Variants in TNRC6B observed in about 807,000 individuals in gnomAD.
TNRC6B encodes the protein trinucleotide repeat-containing gene 6B protein.
TNRC6B carries 52 observed loss-of-function variants against 203.6 expected under a neutral mutation model. The observed-to-expected ratio is 0.26, with a 90% CI of 0.20 to 0.32. The LOEUF is 0.32. TNRC6B is among the 10% of genes least tolerant of loss of function. The pLI, the probability that TNRC6B is intolerant of heterozygous loss-of-function variation, is 1.00. For missense variants in TNRC6B, 1,923 were observed against 2,286.2 expected (o/e 0.84, Z 3.24); for synonymous variants, 838 against 845.7 (o/e 0.99, Z 0.16).
chr22:40,112,024 C>G (rs1468258357), intron 1 of TNRC6B, among the ~76,000 whole-genome samples: 4 of 152,144 alleles, frequency 2.6e-5, no homozygotes, highest in African/African-American at 9.7e-5. Context: ...TTGCTTGAAC[C>G]CAGCGGCAGA....
intron 1 of TNRC6B, among the ~76,000 whole-genome samples, chr22:40,185,420 T>C (rs1416575094): frequency 6.6e-6 from 1 of 152,202 alleles, no homozygotes; most frequent in Non-Finnish European, 1.5e-5. Context: ...GGCCATATAC[T>C]CTCATTACCA....
At chr22:40,129,943 C>G (rs2068526666) in intron 3 of TNRC6B, among the ~76,000 whole-genome samples, 2 of 152,078 alleles carry the variant, frequency 1.3e-5, no homozygotes, top group Admixed American at 6.6e-5. Flanking sequence ...TACTGGTGTT[C>G]AAGGGTGCCA....
At chr22:40,049,098 C>T (rs958002097) in intron 1 of TNRC6B, among the ~76,000 whole-genome samples, 2 of 152,050 alleles carry the variant, frequency 1.3e-5, no homozygotes, top group Admixed American at 6.5e-5. Flanking sequence ...TTATACACTG[C>T]TGGCTGGGCG....
At chr22:40,192,765 A>G (rs887313499) in intron 1 of TNRC6B, among the ~76,000 whole-genome samples, 1 of 152,186 alleles carries the variant, frequency 6.6e-6, no homozygotes, top group Admixed American at 6.5e-5. Flanking sequence ...GTCAGTGGGT[A>G]GAGCAGGGGT....
intron 9 of TNRC6B, among the ~76,000 whole-genome samples, chr22:40,278,608 G>A (rs1370337234): frequency 2.6e-5 from 4 of 151,714 alleles, no homozygotes; most frequent in African/African-American, 4.8e-5. Context: ...TAACTGTGGA[G>A]CGTCCACCTA....
chr22:40,131,035 G>T (rs1331885244), intron 3 of TNRC6B, among the ~76,000 whole-genome samples: 1 of 151,612 alleles, frequency 6.6e-6, no homozygotes, highest in Non-Finnish European at 1.5e-5. Context: ...CCGAGTAGCT[G>T]GGACTTGACA....
chr22:40,109,844 T>C (rs1020821484), intron 1 of TNRC6B, among the ~76,000 whole-genome samples: 1 of 152,168 alleles, frequency 6.6e-6, no homozygotes, highest in African/African-American at 2.4e-5. Flanking sequence ...GCGCTTAGCT[T>C]TTTTCTCCTT....
At chr22:40,096,829 G>T (rs559440825) in intron 1 of TNRC6B, among the ~76,000 whole-genome samples, 1 of 152,196 alleles carries the variant, frequency 6.6e-6, no homozygotes, top group Non-Finnish European at 1.5e-5. Flanking sequence ...CTCCATGAAA[G>T]CAGAGAAGAA....
chr22:40,153,892 TATA>T (rs779221390), intron 3 of TNRC6B, among the ~76,000 whole-genome samples: 21 of 150,984 alleles, frequency 1.4e-4, no homozygotes, highest in Admixed American at 2.0e-4. Flanking sequence ...TAATTTAAAT[TATA>T]ATAAATCATT....
At chr22:40,262,204 A>T (rs563852341) in intron 4 of TNRC6B, 31 bp downstream of exon 4, 1 of 1,347,642 alleles carries the variant, frequency 7.4e-7, no homozygotes, top group African/African-American at 1.4e-5. Flanking sequence ...AATGCATGGC[A>T]GCTTGACAGA....
At chr22:40,048,257 T>C (rs1046676527) in intron 1 of TNRC6B, among the ~76,000 whole-genome samples, 1 of 152,166 alleles carries the variant, frequency 6.6e-6, no homozygotes, top group Non-Finnish European at 1.5e-5. Flanking sequence ...TTTCCCACAT[T>C]GGCCGGGCGT....
intron 12 of TNRC6B, among the ~76,000 whole-genome samples, chr22:40,292,620 C>T (rs546763114): frequency 7.2e-5 from 11 of 152,322 alleles, no homozygotes; most frequent in African/African-American, 2.6e-4. Context: ...GAATAATTAA[C>T]TCCCTGAAAT....
intron 1 of TNRC6B, among the ~76,000 whole-genome samples, chr22:40,074,957 CAAAG>C (rs1569251560): frequency 6.6e-6 from 1 of 151,448 alleles, no homozygotes; most frequent in Non-Finnish European, 1.5e-5. Context: ...GACCTTGTCT[CAAAG>C]AAAAATACTG....
rs764490028 is a variant in TNRC6B at position 40,270,118 on chromosome 22, A to G, written c.2807-4A>G. 4.4e-6 allele frequency: 7 copies of G among 1,580,222 alleles called. No individual in the cohort carries two copies. Among genetic ancestry groups the G allele is most frequent in the Non-Finnish European group, 6.0e-6 (7 of 1,162,142 alleles). On this transcript the variant is annotated splice_polypyrimidine_tract_variant and splice_region_variant and intron_variant, in intron 5 of 22. Coordinates refer to ENST00000454349, the MANE Select transcript of TNRC6B (RefSeq NM_001162501.2). Reference sequence around the variant, plus strand: ...ATTCTTAGAGACATTTCCTTTCTTTATAGTCTGGAGCAAAAGCACACCACC... The same window carrying G: ...ATTCTTAGAGACATTTCCTTTCTTTGTAGTCTGGAGCAAAAGCACACCACC...
intron 3 of TNRC6B, among the ~76,000 whole-genome samples, chr22:40,129,419 T>TAA (rs2146327142): frequency 6.6e-6 from 1 of 152,260 alleles, no homozygotes; most frequent in African/African-American, 2.4e-5. Flanking sequence ...GTGCAGCTGT[T>TAA]CGGGTAGGAC....
At chr22:40,230,342 T>C (rs1293173979) in intron 1 of TNRC6B, among the ~76,000 whole-genome samples, 1 of 145,768 alleles carries the variant, frequency 6.9e-6, no homozygotes, top group East Asian at 2.0e-4. Flanking sequence ...CAGACTGGAG[T>C]GCAGTGGCAC....
intron 3 of TNRC6B, among the ~76,000 whole-genome samples, chr22:40,132,943 CAAAAAAAAA>C (rs71199270): frequency 8.4e-5 from 2 of 23,878 alleles, no homozygotes; most frequent in South Asian, 2.4e-3. Context: ...GACTCTGTCT[CAAAAAAAAA>C]AAAAAAAAAA....
intron 3 of TNRC6B, among the ~76,000 whole-genome samples, chr22:40,150,683 T>A (rs2068743367): frequency 6.6e-6 from 1 of 152,146 alleles, no homozygotes. Context: ...AGAACTTACA[T>A]AAAAGGCTAC....
intron 4 of TNRC6B, among the ~76,000 whole-genome samples, chr22:40,169,225 G>A (rs1178254202): frequency 2.0e-5 from 3 of 149,024 alleles, no homozygotes; most frequent in Non-Finnish European, 3.0e-5. Flanking sequence ...TCTGCCTCCC[G>A]GGTTCAAGCT....
Sources: allele counts gnomAD v4.1 joint callset (sites outside exome capture counted in the v4.1 genomes callset), GRCh38; gene constraint gnomAD v4.1.1; transcripts MANE v1.5; gene names NCBI Gene and HGNC (gene_info 2026-07-23, HGNC 2026-07-21).